The following ABHD2 variants were observed in gnomAD, a reference collection of about 807,000 sequenced individuals.
ABHD2 encodes the protein abhydrolase domain containing 2, acylglycerol lipase, also known as monoacylglycerol lipase ABHD2.
ABHD2 carries 20 observed loss-of-function variants against 48.1 expected under a neutral mutation model. That is an observed-to-expected ratio of 0.42 (90% confidence interval 0.29 to 0.60). The LOEUF (loss-of-function observed/expected upper bound fraction) is 0.60. Ranked by LOEUF, ABHD2 falls within the 20% of genes least tolerant of loss-of-function variation. The pLI is 0.24. For missense variants in ABHD2, 405 were observed against 550.9 expected, an observed-to-expected ratio of 0.74 and a Z score of 2.65; for synonymous variants, 209 against 214.2, an observed-to-expected ratio of 0.98 and a Z score of 0.21.
chr15:89,199,816 C>T lies in ABHD2; in HGVS notation c.*4393C>T, dbSNP rs1435621956. ...TCTAAGCAGAGGGAAGTAAACCTCTCACCGCCCCCCACCCCTCACTGCCCC... is the reference window on the plus strand; with the variant it reads ...TCTAAGCAGAGGGAAGTAAACCTCTTACCGCCCCCCACCCCTCACTGCCCC... On this transcript the variant is annotated 3_prime_UTR_variant, in exon 11 of 11. Transcript: ENST00000352732. The surrounding 1 kb of genome is among the most constrained non-coding windows in gnomAD (Gnocchi z 4.1). The T allele has an allele frequency of 1.3e-5, 2 of 152,586 alleles. No individual in the cohort carries two copies. The highest frequency in any genetic ancestry group is 1.9e-4 in the East Asian group (1 of 5,192). The allele number at this position is 152,586 out of a possible 1,614,324, so 9.5% of individuals were successfully genotyped here.
chr15:89,079,116 T>C, the ABHD2 span, among the ~76,000 whole-genome samples: 1 of 152,124 alleles, frequency 6.6e-6, no homozygotes, highest in South Asian at 2.1e-4. This position sits in a 1 kb window ranked among gnomAD's most constrained non-coding sequence, Gnocchi z 4.3. Context: ...CCAAGACAAA[T>C]GCATATTAGA....
At position 89,168,586 on chromosome 15, in the gene ABHD2, T is replaced by C. The variant is rs993029804; in HGVS notation, c.539-7226T>C. The stretch of plus-strand genomic sequence containing the variant: ...GCAGTCTGTCTGACATCAGGCAGGG[T>C]TGGCCCTTTATCCAGATCAGATGTG... On this transcript the variant is annotated intron_variant, in intron 5 of 10. Coordinates refer to ENST00000352732, the MANE Select transcript of ABHD2 (RefSeq NM_152924.5). The surrounding 1 kb of genome is among the most constrained non-coding windows in gnomAD (Gnocchi z 4.8). Among the ~76,000 whole-genome samples, 15 of 152,134 alleles carry C rather than the reference T, an allele frequency of 9.9e-5. No individual in the cohort carries two copies. Among genetic ancestry groups the C allele is most frequent in the African/African-American group, 2.7e-4 (11 of 41,424 alleles).
Position 89,201,406 on chromosome 15 carries a change from T to C in ABHD2, c.*5983T>C. ...CTTTGCTGGGTTCCATGTCATTCAA[T>C]TTATCATTTTCATTGGGGATCTCCA... On this transcript the variant is annotated 3_prime_UTR_variant, in exon 11 of 11. Coordinates refer to ENST00000352732, the MANE Select transcript of ABHD2 (RefSeq NM_152924.5). The C allele has an allele frequency of 1.6e-6, 2 of 1,239,236 alleles. No homozygotes were observed. The highest frequency in any genetic ancestry group is 2.4e-6 in the Non-Finnish European group (2 of 850,944). The allele number at this position is 1,239,236 out of a possible 1,614,324, so 76.8% of individuals were successfully genotyped here. A position where few individuals can be genotyped will look rare whatever the true frequency, so the allele number is the denominator to read the frequency against.
chr15:89,201,349 C>T lies in ABHD2; in HGVS notation c.*5926C>T. ...AAGCACTGTGTGGTTGTGGCGTGGG[C>T]CCGTCTTGCTTAGATGCATTCAGTG... On this transcript the variant is annotated 3_prime_UTR_variant, in exon 11 of 11. Transcript: ENST00000352732. 1 of 1,038,254 alleles carries T rather than the reference C, an allele frequency of 9.6e-7. No homozygotes were observed. Among genetic ancestry groups the T allele is most frequent in the Non-Finnish European group, 1.5e-6 (1 of 670,818 alleles). The allele number at this position is 1,038,254 out of a possible 1,614,324, so 64.3% of individuals were successfully genotyped here. A position where few individuals can be genotyped will look rare whatever the true frequency, so the allele number is the denominator to read the frequency against.
rs149800937 is a variant in ABHD2, at chr15:89,177,029, G to A, written c.722+1034G>A. On this transcript the variant is annotated intron_variant, in intron 6 of 10. Coordinates refer to ENST00000352732, the MANE Select transcript of ABHD2 (RefSeq NM_152924.5). The surrounding 1 kb of genome is among the most constrained non-coding windows in gnomAD (Gnocchi z 5.6). ...GCCAGCACACCCAAAAGACACATGT[G>A]GGCCCAGGATTCAGCCTCTCCCTAT... Among the ~76,000 whole-genome samples, 1 of 152,228 alleles carries A rather than the reference G, an allele frequency of 6.6e-6. No individual in the cohort carries two copies. Among genetic ancestry groups the A allele is most frequent in the East Asian group, 1.9e-4 (1 of 5,178 alleles).
chr15:89,070,683 A>G, the ABHD2 span, among the ~76,000 whole-genome samples: 3 of 152,328 alleles, frequency 2.0e-5, no homozygotes, highest in East Asian at 5.8e-4. Context: ...GGTCAAGGTT[A>G]CACAGTGTTT....
the ABHD2 span, among the ~76,000 whole-genome samples, chr15:89,067,644 C>G: frequency 6.6e-6 from 1 of 152,182 alleles, no homozygotes; most frequent in Non-Finnish European, 1.5e-5. Context: ...ATTATGTCAG[C>G]CATGCAAGCC....
At chr15:89,152,939 T>G (rs75627693) in intron 4 of ABHD2, among the ~76,000 whole-genome samples, 9,265 of 152,240 alleles carry the variant, frequency 0.061, 994 homozygotes, top group African/African-American at 0.21. Context: ...AAGCAACTTA[T>G]TTTTTGTTTT....
chr15:89,124,370 G>A (rs910165338), intron 3 of ABHD2, among the ~76,000 whole-genome samples: 2 of 152,130 alleles, frequency 1.3e-5, no homozygotes, highest in African/African-American at 2.4e-5. Context: ...AAAGCATCAG[G>A]CAAATGCAAC....
At chr15:89,081,166 ATTTTTTTT>A in the ABHD2 span, among the ~76,000 whole-genome samples, 1 of 115,302 alleles carries the variant, frequency 8.7e-6, no homozygotes, top group Non-Finnish European at 1.8e-5. Context: ...TGCCCAGCTA[ATTTTTTTT>A]TTTTTTTTTT....
the ABHD2 span, among the ~76,000 whole-genome samples, chr15:89,064,086 A>T: frequency 6.6e-6 from 1 of 151,952 alleles, no homozygotes; most frequent in African/African-American, 2.4e-5. Flanking sequence ...TAGGTATCTC[A>T]TCTGAGTAGA....
the ABHD2 span, among the ~76,000 whole-genome samples, chr15:89,046,772 A>C: frequency 6.6e-6 from 1 of 151,824 alleles, no homozygotes; most frequent in African/African-American, 2.4e-5. Flanking sequence ...TATTGCATCT[A>C]TTTGATTCTT....
Position 89,188,474 on chromosome 15 carries a change from A to T in ABHD2, c.926+171A>T, listed in dbSNP as rs189133902. On this transcript the variant is annotated intron_variant, in intron 8 of 10. Coordinates refer to ENST00000352732, the MANE Select transcript of ABHD2 (RefSeq NM_152924.5). The surrounding 1 kb of genome is among the most constrained non-coding windows in gnomAD (Gnocchi z 4.1). ...TAAAAACAGAAGATTTCACAGGAAC[A>T]TTTAAATTTCTAGTTTCTCCTGGAA... Among the ~76,000 whole-genome samples the T allele has an allele frequency of 6.6e-6, 1 of 152,220 alleles. No individual in the cohort carries two copies. The highest frequency in any genetic ancestry group is 2.4e-5 in the African/African-American group (1 of 41,446).
the ABHD2 span, among the ~76,000 whole-genome samples, chr15:89,057,307 C>A: frequency 6.6e-6 from 1 of 152,054 alleles, no homozygotes; most frequent in South Asian, 2.1e-4. Context: ...GAGAAGCCAC[C>A]CCCGGGTTAG....
At chr15:89,128,104 T>C (rs1053851877) in intron 3 of ABHD2, among the ~76,000 whole-genome samples, 1 of 152,214 alleles carries the variant, frequency 6.6e-6, no homozygotes, top group South Asian at 2.1e-4. Context: ...CAGTACACAC[T>C]AACTTCAGTA....
chr15:89,133,854 T>TTTTTTTA (rs2050259254), intron 3 of ABHD2, among the ~76,000 whole-genome samples: 1 of 121,700 alleles, frequency 8.2e-6, no homozygotes, highest in African/African-American at 2.8e-5. Flanking sequence ...TTTTTTTTTT[T>TTTTTTTA]GAGACAGAGT....
At chr15:89,074,797 T>A in the ABHD2 span, among the ~76,000 whole-genome samples, 2 of 152,212 alleles carry the variant, frequency 1.3e-5, no homozygotes, top group African/African-American at 4.8e-5. Flanking sequence ...GCGTCTCAAG[T>A]CTACTTCCAC....
the ABHD2 span, among the ~76,000 whole-genome samples, chr15:89,072,742 A>T: frequency 1.3e-5 from 2 of 152,120 alleles, no homozygotes; most frequent in South Asian, 2.1e-4. Context: ...TCCATTTCTT[A>T]TTGATGTCTG....
intron 8 of ABHD2, among the ~76,000 whole-genome samples, chr15:89,190,053 C>G (rs1342536304): frequency 6.6e-6 from 1 of 152,126 alleles, no homozygotes; most frequent in Non-Finnish European, 1.5e-5. Flanking sequence ...CACTTGGCCT[C>G]CACCCTGTCA....
Sources: gnomAD v4.1 joint callset for allele counts (sites outside exome capture counted in the v4.1 genomes callset) on GRCh38, gnomAD v4.1.1 for gene constraint, Gnocchi (gnomAD v3.1) non-coding constraint, MANE v1.5 for transcripts, NCBI Gene and HGNC (gene_info 2026-07-23, HGNC 2026-07-21) for gene names.